DNAAF4: variants seen among roughly 807,000 people sequenced by gnomAD.
DNAAF4 encodes the protein dynein axonemal assembly factor 4.
A neutral mutation model predicts 51.8 loss-of-function variants in DNAAF4; 43 were observed. The observed-to-expected ratio is 0.83, with a 90% CI of 0.65 to 1.07. The LOEUF (loss-of-function observed/expected upper bound fraction) is 1.07, where lower values mean the gene tolerates loss of function less well. Among genes scored for constraint, DNAAF4 ranks in the 50% least tolerant of loss-of-function variants. The pLI is 0.00. For synonymous variants in DNAAF4, 194 were observed against 165.6 expected (o/e 1.17, Z -1.32); for missense variants, 581 against 493.0 (o/e 1.18, Z -1.69).
chr15:55,490,475 T>TA (rs1475097214), intron 4 of DNAAF4, among the ~76,000 whole-genome samples: 2 of 152,192 alleles, frequency 1.3e-5, no homozygotes, highest in African/African-American at 2.4e-5. Flanking sequence ...CCTTAACAGT[T>TA]AAAAAAATTT....
chr15:55,478,456 G>T (rs1364123576), intron 4 of DNAAF4, among the ~76,000 whole-genome samples: 1 of 152,158 alleles, frequency 6.6e-6, no homozygotes, highest in Admixed American at 6.6e-5. Context: ...CAACAAACAG[G>T]TCAACCTGCT....
chr15:55,448,102 TGA>T (rs1219024596), intron 6 of DNAAF4, among the ~76,000 whole-genome samples: 4 of 152,186 alleles, frequency 2.6e-5, no homozygotes, highest in Non-Finnish European at 5.9e-5. Flanking sequence ...TCTAGCTTAC[TGA>T]GAGTTTTTAG....
At chr15:55,492,540 T>C (rs1424195175) in intron 3 of DNAAF4, among the ~76,000 whole-genome samples, 1 of 151,994 alleles carries the variant, frequency 6.6e-6, no homozygotes, top group East Asian at 1.9e-4. Context: ...AATAAAATTG[T>C]GATATACTTT....
chr15:55,484,444 C>T (rs1352071653), intron 4 of DNAAF4, among the ~76,000 whole-genome samples: 1 of 150,370 alleles, frequency 6.7e-6, no homozygotes, highest in Admixed American at 6.6e-5. Flanking sequence ...GAGATCGCAC[C>T]ACTGCACTCC....
chr15:55,497,613 C>G, intron 3 of DNAAF4, 99 bp downstream of exon 3: 1 of 1,360,630 alleles, frequency 7.3e-7, no homozygotes, highest in East Asian at 2.4e-5. Context: ...AAAAATCTAT[C>G]TTCCCCTACA....
chr15:55,452,960 G>C (rs749346673), intron 5 of DNAAF4, among the ~76,000 whole-genome samples: 13 of 152,164 alleles, frequency 8.5e-5, no homozygotes, highest in Non-Finnish European at 1.5e-4. Context: ...TGAGTAGCTG[G>C]AATTACAGAC....
intron 6 of DNAAF4, among the ~76,000 whole-genome samples, chr15:55,449,694 CGCTTT>C (rs2057901548): frequency 1.6e-5 from 1 of 64,040 alleles, no homozygotes; most frequent in African/African-American, 5.6e-5. Flanking sequence ...ACAAAAAGAC[CGCTTT>C]TTTTTTTTTT....
chr15:55,420,654 A>G (rs1314348036), intron 7 of DNAAF4, among the ~76,000 whole-genome samples: 1 of 152,192 alleles, frequency 6.6e-6, no homozygotes, highest in Non-Finnish European at 1.5e-5. Flanking sequence ...AATTTTTTTC[A>G]CTTCCTCAAA....
chr15:55,442,107 G>A (rs1258477365), intron 6 of DNAAF4, among the ~76,000 whole-genome samples: 8 of 151,996 alleles, frequency 5.3e-5, no homozygotes, highest in Admixed American at 4.6e-4. Context: ...ATCCTAAGGA[G>A]ACAGAGTTTT....
chr15:55,445,032 CTTTTTT>C (rs35988188), intron 6 of DNAAF4, among the ~76,000 whole-genome samples: 5 of 109,036 alleles, frequency 4.6e-5, no homozygotes, highest in Admixed American at 3.1e-4. Flanking sequence ...ATTGAATACC[CTTTTTT>C]TTTTTTTTTT....
At position 55,418,121 on chromosome 15, in the gene DNAAF4, GA is replaced by G. The variant is rs1287710415; in HGVS notation, c.1059del (p.Glu355ArgfsTer12). 11 of 1,583,204 alleles carry G rather than the reference GA, an allele frequency of 6.9e-6. No individual in the cohort carries two copies. The highest frequency in any genetic ancestry group is 4.7e-5 in the South Asian group (4 of 84,634). Reference sequence around the variant, plus strand: ...GAGGCCTGACATTCAATGCCCTCAAGAGAACAGAATTCCTGAAAAAGGGAAG... The same window carrying G: ...GAGGCCTGACATTCAATGCCCTCAAGGAACAGAATTCCTGAAAAAGGGAAG... On this transcript the variant is annotated frameshift_variant, in exon 8 of 8. Transcript: ENST00000448430. LOFTEE classifies it high-confidence loss of function.
At chr15:55,424,014 C>T (rs1441849447) in intron 7 of DNAAF4, among the ~76,000 whole-genome samples, 2 of 152,116 alleles carry the variant, frequency 1.3e-5, no homozygotes, top group Admixed American at 6.6e-5. Context: ...CACTTGAACC[C>T]AGGAGGTGGA....
At chr15:55,478,738 A>T (rs2058368949) in intron 4 of DNAAF4, among the ~76,000 whole-genome samples, 1 of 152,196 alleles carries the variant, frequency 6.6e-6, no homozygotes, top group Admixed American at 6.6e-5. Flanking sequence ...TTACAATGAC[A>T]AGACAAGCAG....
Position 55,418,255 on chromosome 15 carries a change from C to T in DNAAF4, c.1048-122G>A, listed in dbSNP as rs1440947120. 14 of 1,556,540 alleles carry T rather than the reference C, an allele frequency of 9.0e-6. No homozygotes were observed. The South Asian group carries it at 1.7e-4, about 18-fold the overall frequency. ...AAAGTACTTCACCTTCAAATTCAGACACAGAAATGAAATCTGAACAACTGC... is the reference window on the plus strand; with the variant it reads ...AAAGTACTTCACCTTCAAATTCAGATACAGAAATGAAATCTGAACAACTGC... On this transcript the variant is annotated intron_variant, in intron 7 of 7. Coordinates refer to the DNAAF4 transcript ENST00000448430.
chr15:55,476,850 A>G lies in DNAAF4; in HGVS notation c.406-9689T>C, dbSNP rs939008818. 3.9e-5 allele frequency among the ~76,000 whole-genome samples: 6 copies of G among 152,234 alleles called. No individual in the cohort carries two copies. In the East Asian group the frequency reaches 5.8e-4, roughly 15 times the overall value. On this transcript the variant is annotated intron_variant, in intron 4 of 9. Transcript: ENST00000321149. The stretch of plus-strand genomic sequence containing the variant: ...AATAGAGAGTTATTGTTTAATGGGT[A>G]CAGAGTTTTAATTGTGCAAGACGAA...
intron 7 of DNAAF4, among the ~76,000 whole-genome samples, chr15:55,424,893 G>A (rs1247520574): frequency 6.7e-6 from 1 of 148,994 alleles, no homozygotes; most frequent in African/African-American, 2.5e-5. Context: ...ATGGAGTTTT[G>A]CTCTTGTTGC....
At chr15:55,452,005 G>A (rs538530325) in intron 5 of DNAAF4, among the ~76,000 whole-genome samples, 8 of 151,850 alleles carry the variant, frequency 5.3e-5, no homozygotes, top group East Asian at 1.9e-4. Context: ...CTAGCACTTC[G>A]GGATGCTGAG....
At chr15:55,463,608 T>C (rs937370094) in intron 5 of DNAAF4, among the ~76,000 whole-genome samples, 2 of 152,108 alleles carry the variant, frequency 1.3e-5, no homozygotes, top group African/African-American at 4.8e-5. Flanking sequence ...ACAAAATCAA[T>C]GCACACAAAT....
intron 6 of DNAAF4, among the ~76,000 whole-genome samples, chr15:55,450,020 G>C (rs183204213): frequency 1.3e-5 from 2 of 152,030 alleles, no homozygotes; most frequent in Non-Finnish European, 2.9e-5. Flanking sequence ...TATTAAGTCG[G>C]TATTCTCTTA....
Sources: allele counts gnomAD v4.1 joint callset (sites outside exome capture counted in the v4.1 genomes callset), GRCh38; gene constraint gnomAD v4.1.1; transcripts MANE v1.5; gene names NCBI Gene and HGNC (gene_info 2026-07-23, HGNC 2026-07-21).